Variants in PLPPR5 observed in about 807,000 individuals in gnomAD.
PLPPR5 encodes the protein phospholipid phosphatase related 5.
PLPPR5 carries 16 observed loss-of-function variants against 33.9 expected under a neutral mutation model. The observed-to-expected ratio is 0.47, with a 90% CI of 0.32 to 0.72. The LOEUF (loss-of-function observed/expected upper bound fraction) is 0.72, where lower values mean the gene tolerates loss of function less well. PLPPR5 is among the 30% of genes least tolerant of loss of function. The pLI is 0.03. For synonymous variants in PLPPR5, 163 were observed against 150.3 expected (o/e 1.08, Z -0.62); for missense variants, 301 against 406.7 (o/e 0.74, Z 2.23).
At chr1:98,920,816 T>C (rs1406126101) in intron 4 of PLPPR5, among the ~76,000 whole-genome samples, 1 of 152,074 alleles carries the variant, frequency 6.6e-6, no homozygotes, top group Non-Finnish European at 1.5e-5. Flanking sequence ...GTAATCAAAA[T>C]GGACATAAAG....
At chr1:98,971,054 A>G (rs1651640346) in intron 1 of PLPPR5, among the ~76,000 whole-genome samples, 1 of 152,122 alleles carries the variant, frequency 6.6e-6, no homozygotes, top group South Asian at 2.1e-4. Context: ...AACGAGGAGT[A>G]GAGAACAAAG....
chr1:98,990,028 A>C (rs1024496113), intron 1 of PLPPR5, among the ~76,000 whole-genome samples: 25 of 152,198 alleles, frequency 1.6e-4, no homozygotes, highest in African/African-American at 6.0e-4. Context: ...CATCTGATTA[A>C]TTTCAGAAAA....
intron 3 of PLPPR5, among the ~76,000 whole-genome samples, chr1:98,929,230 G>T (rs1649877564): frequency 6.6e-6 from 1 of 152,142 alleles, no homozygotes; most frequent in African/African-American, 2.4e-5. Flanking sequence ...AATCACATAA[G>T]AAGTGTAAGT....
At chr1:98,944,454 T>G (rs309069) in intron 3 of PLPPR5, among the ~76,000 whole-genome samples, 142,607 of 152,292 alleles carry the variant, frequency 0.94, 66,863 homozygotes, top group East Asian at 1. Context: ...GGTTTTGAGG[T>G]CAGAGCCCAT....
At chr1:98,983,134 T>G (rs892596284) in intron 1 of PLPPR5, among the ~76,000 whole-genome samples, 3 of 151,670 alleles carry the variant, frequency 2.0e-5, no homozygotes, top group Admixed American at 2.0e-4. Context: ...ATGTGCACAT[T>G]GTGCAGGTTA....
chr1:98,952,262 C>CAAAAAAAAAAAAA (rs779701945), intron 3 of PLPPR5, among the ~76,000 whole-genome samples: 5 of 113,062 alleles, frequency 4.4e-5, no homozygotes, highest in African/African-American at 1.3e-4. Context: ...GACTCCGTCT[C>CAAAAAAAAAAAAA]AGAAAAAAAA....
At chr1:98,894,578 A>G (rs1648401193) in intron 5 of PLPPR5, among the ~76,000 whole-genome samples, 1 of 152,110 alleles carries the variant, frequency 6.6e-6, no homozygotes, top group African/African-American at 2.4e-5. Flanking sequence ...GATAGAAATT[A>G]AAGATTAATC....
intron 3 of PLPPR5, among the ~76,000 whole-genome samples, chr1:98,952,262 CAGAA>C (rs72381373): frequency 0.6 from 67,449 of 112,054 alleles, 18,010 homozygotes; most frequent in East Asian, 0.77. Flanking sequence ...GACTCCGTCT[CAGAA>C]AAAAAAAAAA....
chr1:98,992,183 GA>G (rs1394620952), intron 1 of PLPPR5, among the ~76,000 whole-genome samples: 1 of 152,114 alleles, frequency 6.6e-6, no homozygotes, highest in Admixed American at 6.6e-5. Flanking sequence ...TAAGAACACA[GA>G]AAACAACATC....
chr1:98,943,810 T>C (rs576512403), intron 3 of PLPPR5, among the ~76,000 whole-genome samples: 12 of 152,322 alleles, frequency 7.9e-5, no homozygotes, highest in African/African-American at 2.9e-4. Context: ...TCCTGAAGGA[T>C]AAGTGTAGAC....
At chr1:98,994,272 G>A (rs1162752022) in intron 1 of PLPPR5, among the ~76,000 whole-genome samples, 1 of 151,848 alleles carries the variant, frequency 6.6e-6, no homozygotes, top group African/African-American at 2.4e-5. Context: ...CAGCAAGAAT[G>A]GAAGCAGAAA....
intron 3 of PLPPR5, among the ~76,000 whole-genome samples, chr1:98,925,479 T>C (rs1390612824): frequency 6.6e-6 from 1 of 152,214 alleles, no homozygotes; most frequent in East Asian, 1.9e-4. Context: ...TTCTACACTT[T>C]TTCTCTTTGC....
At chr1:98,946,999 A>G (rs2101201441) in intron 3 of PLPPR5, among the ~76,000 whole-genome samples, 1 of 152,256 alleles carries the variant, frequency 6.6e-6, no homozygotes, top group African/African-American at 2.4e-5. Context: ...GGTCCATGGA[A>G]GTCATAATAC....
chr1:99,000,571 T>TGTTCACGGAGCC (rs879725807), intron 1 of PLPPR5, among the ~76,000 whole-genome samples: 1,112 of 90,432 alleles, frequency 0.012, 18 homozygotes, highest in African/African-American at 0.039. Flanking sequence ...TCCAAGGGGT[T>TGTTCACGGAGCC]GTTCACGGAG....
At chr1:98,947,520 A>G (rs1389753649) in intron 3 of PLPPR5, among the ~76,000 whole-genome samples, 3 of 152,260 alleles carry the variant, frequency 2.0e-5, no homozygotes, top group East Asian at 1.9e-4. Flanking sequence ...CAGCATTATT[A>G]TATTTTATGA....
intron 2 of PLPPR5, 46 bp from the exon 3 acceptor site, chr1:98,953,366 TG>T: frequency 1.7e-6 from 2 of 1,153,000 alleles, no homozygotes; most frequent in East Asian, 8.4e-5. Context: ...TGTGTGTGTG[TG>T]TGTGTGTGTG....
At chr1:98,993,351 G>A (rs939385393) in intron 1 of PLPPR5, among the ~76,000 whole-genome samples, 8 of 152,046 alleles carry the variant, frequency 5.3e-5, no homozygotes, top group African/African-American at 1.9e-4. Flanking sequence ...TGAAAAAAGT[G>A]TCTACTGGAT....
At chr1:98,915,604 C>CT (rs1649315399) in intron 4 of PLPPR5, among the ~76,000 whole-genome samples, 1 of 151,434 alleles carries the variant, frequency 6.6e-6, no homozygotes, top group African/African-American at 2.4e-5. Flanking sequence ...GCCTGATGTT[C>CT]TAAAAAAAAA....
At chr1:98,897,243 GCGCACATA>G (rs779616241) in intron 5 of PLPPR5, among the ~76,000 whole-genome samples, 157 of 152,302 alleles carry the variant, frequency 1.0e-3, no homozygotes, top group Non-Finnish European at 1.9e-3. Context: ...GTGCGCTCCA[GCGCACATA>G]CGTTTATTGC....
Sources: allele counts gnomAD v4.1 joint callset (sites outside exome capture counted in the v4.1 genomes callset), GRCh38; gene constraint gnomAD v4.1.1; transcripts MANE v1.5; gene names NCBI Gene and HGNC (gene_info 2026-07-23, HGNC 2026-07-21).